Variants in LNX1 observed in about 807,000 individuals in gnomAD.
LNX1 encodes ligand of numb-protein X 1, also known as E3 ubiquitin-protein ligase LNX.
In LNX1, 54 loss-of-function variants were observed where a neutral mutation model predicts 68.4. That is an observed-to-expected ratio of 0.79 (90% CI 0.63 to 0.99). The LOEUF is 0.99. Among genes scored for constraint, LNX1 ranks in the 50% least tolerant of loss-of-function variants. LNX1 has a pLI of 0.00. For synonymous variants in LNX1, 336 were observed against 350.0 expected (o/e 0.96, Z 0.45); for missense variants, 906 against 926.4 (o/e 0.98, Z 0.29).
rs1366072854 is a variant in LNX1 at position 53,461,510 on chromosome 4, T to G, written c.1976A>C (p.Glu659Ala). 7 of 1,611,906 alleles carry G rather than the reference T, an allele frequency of 4.3e-6. No homozygotes were observed. The highest frequency in any genetic ancestry group is 5.1e-6 in the Non-Finnish European group (6 of 1,178,446). ...LGFCIVGGYE[E>A]YNGNKPFFIK... ...GAAAAAAGGTTTGTTTCCATTGTAT[T>G]CTTCATAACCTCCTACAATGCAGAA... is the stretch of plus-strand genomic sequence containing the variant. The change falls in exon 10 of 11, where the codon GAA (glutamate) becomes GCA (alanine). Residue 659 changes from glutamate (E) to alanine (A), a missense_variant. Physicochemically the swap from Glu to Ala is moderately radical, Grantham distance 107. Transcript: ENST00000263925.
At chr4:53,647,387 T>TC (rs1231251209) in intron 1 of LNX1, among the ~76,000 whole-genome samples, 1 of 152,196 alleles carries the variant, frequency 6.6e-6, no homozygotes. Flanking sequence ...TCTCTCTCTC[T>TC]TTTTCTCCCT....
chr4:53,554,626 G>T (rs1004554236), intron 2 of LNX1, among the ~76,000 whole-genome samples: 34 of 152,168 alleles, frequency 2.2e-4, no homozygotes, highest in African/African-American at 7.2e-4. Context: ...GGCCAAGGTG[G>T]GTGGATCACA....
At chr4:53,487,925 T>C (rs1724422795) in intron 6 of LNX1, among the ~76,000 whole-genome samples, 1 of 152,252 alleles carries the variant, frequency 6.6e-6, no homozygotes, top group Non-Finnish European at 1.5e-5. Context: ...TGGCTCTTTC[T>C]ACACTGTCTG....
intron 1 of LNX1, among the ~76,000 whole-genome samples, chr4:53,588,797 C>G (rs1044526534): frequency 6.6e-6 from 1 of 152,104 alleles, no homozygotes; most frequent in African/African-American, 2.4e-5. Flanking sequence ...TCCACTAATC[C>G]CTTACTCTTG....
chr4:53,531,570 G>A (rs1029826760), intron 2 of LNX1, among the ~76,000 whole-genome samples: 1 of 152,156 alleles, frequency 6.6e-6, no homozygotes, highest in Non-Finnish European at 1.5e-5. Context: ...ATTTTAGCTT[G>A]AAACTAGTTT....
At chr4:53,609,169 G>T (rs2668517) in intron 2 of LNX1, among the ~76,000 whole-genome samples, 63,994 of 151,728 alleles carry the variant, frequency 0.42, 13,441 homozygotes, top group Admixed American at 0.45. Flanking sequence ...AAGGACTCCC[G>T]ATGTTTATTA....
chr4:53,574,414 C>G (rs1731360779), intron 1 of LNX1, among the ~76,000 whole-genome samples: 2 of 151,574 alleles, frequency 1.3e-5, no homozygotes, highest in African/African-American at 4.9e-5. Context: ...TTAAATAGAC[C>G]AGTGATTTGT....
intron 2 of LNX1, among the ~76,000 whole-genome samples, chr4:53,547,943 A>G (rs1729221617): frequency 6.6e-6 from 1 of 152,032 alleles, no homozygotes; most frequent in South Asian, 2.1e-4. Flanking sequence ...GTGAATTCAC[A>G]ATTTTACCTT....
chr4:53,552,654 C>T (rs527854867), intron 2 of LNX1, among the ~76,000 whole-genome samples: 194 of 151,998 alleles, frequency 1.3e-3, no homozygotes, highest in African/African-American at 4.4e-3. Flanking sequence ...TATGGTGAAA[C>T]CCCATCTCTA....
chr4:53,575,224 C>G (rs746524220), intron 1 of LNX1, among the ~76,000 whole-genome samples: 2 of 152,218 alleles, frequency 1.3e-5, no homozygotes, highest in Admixed American at 6.5e-5. Flanking sequence ...TCAAGAGATC[C>G]ACCTGCTTTG....
intron 2 of LNX1, among the ~76,000 whole-genome samples, chr4:53,604,901 G>A (rs1296407223): frequency 2.0e-5 from 3 of 152,180 alleles, no homozygotes; most frequent in Admixed American, 2.0e-4. Context: ...GAATTCCAGG[G>A]CAAGTAAAAT....
At chr4:53,465,232 C>T (rs1250471401) in intron 9 of LNX1, among the ~76,000 whole-genome samples, 1 of 152,126 alleles carries the variant, frequency 6.6e-6, no homozygotes, top group Non-Finnish European at 1.5e-5. Context: ...TGGGACCAAA[C>T]TGGCTTCCTA....
intron 2 of LNX1, among the ~76,000 whole-genome samples, chr4:53,610,410 GA>G (rs1458961531): frequency 2.0e-5 from 3 of 152,162 alleles, no homozygotes; most frequent in African/African-American, 7.2e-5. Context: ...AACTATATAT[GA>G]AAAATTTTGT....
chr4:53,474,652 T>C (rs900406939), intron 9 of LNX1, among the ~76,000 whole-genome samples: 2 of 152,192 alleles, frequency 1.3e-5, no homozygotes, highest in African/African-American at 4.8e-5. Flanking sequence ...AGGGAGAGGA[T>C]GGAATGAAAG....
chr4:53,578,508 A>C (rs992044344), intron 1 of LNX1, among the ~76,000 whole-genome samples: 6 of 152,242 alleles, frequency 3.9e-5, no homozygotes, highest in Non-Finnish European at 7.3e-5. Context: ...CAGTATTTTA[A>C]TCTTATGGGA....
intron 2 of LNX1, among the ~76,000 whole-genome samples, chr4:53,533,516 A>G (rs746124494): frequency 6.6e-6 from 1 of 152,162 alleles, no homozygotes; most frequent in Non-Finnish European, 1.5e-5. Context: ...CTCCTTCCTC[A>G]GCCTCCTGAG....
chr4:53,482,811 T>G (rs987371708), intron 6 of LNX1, among the ~76,000 whole-genome samples: 1 of 152,138 alleles, frequency 6.6e-6, no homozygotes, highest in Non-Finnish European at 1.5e-5. Context: ...ATACAATGCA[T>G]CCATGTAACC....
intron 1 of LNX1, among the ~76,000 whole-genome samples, chr4:53,632,845 T>G (rs1245232404): frequency 6.6e-6 from 1 of 152,202 alleles, no homozygotes; most frequent in Non-Finnish European, 1.5e-5. Flanking sequence ...GAACTAGATT[T>G]TCAGGAATCA....
intron 2 of LNX1, among the ~76,000 whole-genome samples, chr4:53,543,109 C>A (rs771312072): frequency 3.3e-4 from 51 of 152,334 alleles, no homozygotes; most frequent in African/African-American, 1.2e-3. Context: ...AATTCTCCTG[C>A]CTCAGCCTCC....
Sources: gnomAD v4.1 joint callset for allele counts (sites outside exome capture counted in the v4.1 genomes callset) on GRCh38, gnomAD v4.1.1 for gene constraint, MANE v1.5 for transcripts, NCBI Gene and HGNC (gene_info 2026-07-23, HGNC 2026-07-21) for gene names.